The following SIK2 variants were observed in gnomAD, a reference collection of about 807,000 sequenced individuals.
SIK2 encodes serine/threonine-protein kinase SIK2.
SIK2 carries 29 observed loss-of-function variants against 103.2 expected under a neutral mutation model. That is an observed-to-expected ratio of 0.28 (90% CI 0.21 to 0.38). The LOEUF (loss-of-function observed/expected upper bound fraction) is 0.38. Among genes scored for constraint, SIK2 ranks in the 10% least tolerant of loss-of-function variants. SIK2 has a pLI of 1.00. For missense variants in SIK2, 879 were observed against 1,171.0 expected, an observed-to-expected ratio of 0.75 and a Z score of 3.64; for synonymous variants, 412 against 446.1, an observed-to-expected ratio of 0.92 and a Z score of 0.96.
chr11:111,650,325 C>T (rs1942311697), intron 3 of SIK2, among the ~76,000 whole-genome samples: 1 of 151,802 alleles, frequency 6.6e-6, no homozygotes, highest in Non-Finnish European at 1.5e-5. Context: ...AATTTAATTA[C>T]TGGTAGGTAT....
At chr11:111,615,572 T>TA (rs1233687547) in intron 1 of SIK2, among the ~76,000 whole-genome samples, 10 of 152,232 alleles carry the variant, frequency 6.6e-5, no homozygotes, top group Non-Finnish European at 5.9e-5. Flanking sequence ...CCTTCATATG[T>TA]AATCCCTTCA....
Position 111,630,120 on chromosome 11 carries a change from A to G in SIK2, c.316+9718A>G, listed in dbSNP as rs117321468. Among the ~76,000 whole-genome samples, 1,016 of 152,310 alleles carry G rather than the reference A, an allele frequency of 6.7e-3. 8 individuals carry two copies. The highest frequency in any genetic ancestry group is 0.061 in the Middle Eastern group (18 of 294). On this transcript the variant is annotated intron_variant, in intron 3 of 14. Coordinates refer to ENST00000304987, the MANE Select transcript of SIK2 (RefSeq NM_015191.3). ...ATCCAGAACAAATCGTAGTATAGTAATACAAAGGCAGATGATTCAAAAAGG... is the reference window on the plus strand; with the variant it reads ...ATCCAGAACAAATCGTAGTATAGTAGTACAAAGGCAGATGATTCAAAAAGG...
At position 111,643,039 on chromosome 11, in the gene SIK2, C is replaced by G. The variant is rs377195794; in HGVS notation, c.316+22637C>G. On this transcript the variant is annotated intron_variant, in intron 3 of 14. Coordinates refer to ENST00000304987, the MANE Select transcript of SIK2 (RefSeq NM_015191.3). ...TTATTTGTGAAACCTTCTCATCTGT[C>G]CGCTAGTTAAAAGAGGCCTTTCTTT... Among the ~76,000 whole-genome samples the G allele has an allele frequency of 2.2e-3, 342 of 152,204 alleles. 2 individuals carry two copies. Among genetic ancestry groups the G allele is most frequent in the Non-Finnish European group, 3.8e-3 (261 of 68,014 alleles).
chr11:111,636,650 T>C (rs1347251542), intron 3 of SIK2, among the ~76,000 whole-genome samples: 1 of 152,206 alleles, frequency 6.6e-6, no homozygotes, highest in Non-Finnish European at 1.5e-5. Context: ...AAGCCTCTCT[T>C]ATACATACTT....
intron 1 of SIK2, among the ~76,000 whole-genome samples, chr11:111,615,016 G>T (rs543191349): frequency 6.6e-5 from 10 of 152,214 alleles, no homozygotes; most frequent in Middle Eastern, 3.4e-3. Flanking sequence ...GCACACACCT[G>T]TAATCCCAGC....
intron 3 of SIK2, among the ~76,000 whole-genome samples, chr11:111,687,475 A>G (rs1364988296): frequency 6.7e-6 from 1 of 149,042 alleles, no homozygotes; most frequent in African/African-American, 2.5e-5. Context: ...AGATCACGCC[A>G]CTACACTCCA....
At chr11:111,665,862 A>G (rs1374287579) in intron 3 of SIK2, among the ~76,000 whole-genome samples, 11 of 152,122 alleles carry the variant, frequency 7.2e-5, no homozygotes, top group African/African-American at 2.4e-4. Flanking sequence ...AAAAGAAAAA[A>G]AAAAAGAAAA....
intron 3 of SIK2, among the ~76,000 whole-genome samples, chr11:111,681,860 G>A (rs1188963033): frequency 2.6e-5 from 4 of 152,114 alleles, no homozygotes; most frequent in Non-Finnish European, 5.9e-5. Context: ...TTAGTGCTGT[G>A]GTTCTCAAAG....
At chr11:111,642,211 A>G (rs1942192734) in intron 3 of SIK2, among the ~76,000 whole-genome samples, 1 of 152,126 alleles carries the variant, frequency 6.6e-6, no homozygotes, top group Non-Finnish European at 1.5e-5. Context: ...TTCAATTCTG[A>G]TACTAACTAC....
intron 4 of SIK2, among the ~76,000 whole-genome samples, chr11:111,693,298 C>T (rs1394845373): frequency 2.0e-5 from 3 of 151,774 alleles, no homozygotes; most frequent in African/African-American, 7.3e-5. Flanking sequence ...TGTGCCACTG[C>T]CCTCCAGCCT....
chr11:111,663,961 C>G (rs76725017), intron 3 of SIK2, among the ~76,000 whole-genome samples: 1 of 152,202 alleles, frequency 6.6e-6, no homozygotes, highest in Non-Finnish European at 1.5e-5. Flanking sequence ...GGATTTGAAG[C>G]TTCAGATCCT....
chr11:111,712,114 A>G, intron 8 of SIK2, 97 bp from the exon 9 acceptor site: 1 of 1,230,518 alleles, frequency 8.1e-7, no homozygotes, highest in East Asian at 2.3e-5. Context: ...TTCATTCTTT[A>G]ATTGCCACAG....
intron 3 of SIK2, among the ~76,000 whole-genome samples, chr11:111,636,138 A>C (rs1942105652): frequency 6.6e-6 from 1 of 152,228 alleles, no homozygotes; most frequent in Admixed American, 6.5e-5. Flanking sequence ...ACGGTGATAA[A>C]AGAGGTAGAT....
Position 111,722,783 on chromosome 11 carries a change from G to T in SIK2, c.2147+27G>T. ...TGAGAAGGGGACTTTGGCCAAAGAA[G>T]TTGCTTCCTTTTCTGGAAGCCTTGA... is the stretch of plus-strand genomic sequence containing the variant. On this transcript the variant is annotated intron_variant, in intron 14 of 14. Transcript: ENST00000304987. This position sits in a 1 kb window ranked among gnomAD's most constrained non-coding sequence, Gnocchi z 4.4. 6.2e-7 allele frequency: 1 copy of T among 1,604,938 alleles called. No individual in the cohort carries two copies. Among genetic ancestry groups the T allele is most frequent in the Non-Finnish European group, 8.5e-7 (1 of 1,174,566 alleles).
intron 3 of SIK2, among the ~76,000 whole-genome samples, chr11:111,670,551 C>A (rs1942611152): frequency 6.6e-6 from 1 of 152,122 alleles, no homozygotes; most frequent in African/African-American, 2.4e-5. Context: ...TTGAATAGCA[C>A]ATGAGGTAAA....
chr11:111,669,914 A>C (rs1942602080), intron 3 of SIK2, among the ~76,000 whole-genome samples: 1 of 152,150 alleles, frequency 6.6e-6, no homozygotes, highest in Non-Finnish European at 1.5e-5. Flanking sequence ...TACTTTTTTA[A>C]TTGATACATG....
At chr11:111,617,815 A>G (rs1213005564) in intron 2 of SIK2, among the ~76,000 whole-genome samples, 1 of 151,526 alleles carries the variant, frequency 6.6e-6, no homozygotes, top group East Asian at 1.9e-4. Flanking sequence ...ATACGTCACC[A>G]TATGTGCCAT....
chr11:111,679,769 T>C (rs1257137987), intron 3 of SIK2, among the ~76,000 whole-genome samples: 5 of 152,174 alleles, frequency 3.3e-5, no homozygotes, highest in African/African-American at 4.8e-5. Context: ...TATTCCAAGA[T>C]TGATTGGCAA....
At chr11:111,723,380 T>A in intron 14 of SIK2, 116 bp from the exon 15 acceptor site, 1 of 1,161,762 alleles carries the variant, frequency 8.6e-7, no homozygotes, top group Non-Finnish European at 1.2e-6. Context: ...TTGTTTTTGC[T>A]GACATGAGAG....
Sources: gnomAD v4.1 joint callset for allele counts (sites outside exome capture counted in the v4.1 genomes callset) on GRCh38, gnomAD v4.1.1 for gene constraint, Gnocchi (gnomAD v3.1) non-coding constraint, MANE v1.5 for transcripts, NCBI Gene and HGNC (gene_info 2026-07-23, HGNC 2026-07-21) for gene names.